STK38: variants seen among roughly 807,000 people sequenced by gnomAD.
The protein encoded by STK38 is serine/threonine-protein kinase 38.
STK38 carries 26 observed loss-of-function variants against 59.0 expected under a neutral mutation model. The ratio of observed to expected loss-of-function variants is 0.44; its 90% CI spans 0.32 to 0.61. STK38 has a LOEUF of 0.61. STK38 is among the 20% of genes least tolerant of loss of function. The pLI is 0.04. For synonymous variants in STK38, 175 were observed against 176.6 expected (o/e 0.99, Z 0.07); for missense variants, 433 against 566.0 (o/e 0.76, Z 2.38).
At chr6:36,501,145 G>A (rs1188315753) in intron 9 of STK38, among the ~76,000 whole-genome samples, 1 of 151,928 alleles carries the variant, frequency 6.6e-6, no homozygotes, top group Non-Finnish European at 1.5e-5. Flanking sequence ...GTAGAGATGG[G>A]GTTTTGCCAT....
chr6:36,540,776 G>A (rs183375656), intron 1 of STK38, among the ~76,000 whole-genome samples: 14 of 151,978 alleles, frequency 9.2e-5, no homozygotes, highest in Non-Finnish European at 1.9e-4. Flanking sequence ...ACAGGCATGC[G>A]CCACCACACC....
intron 7 of STK38, among the ~76,000 whole-genome samples, chr6:36,511,398 C>G (rs1176643021): frequency 1.3e-5 from 2 of 151,602 alleles, no homozygotes; most frequent in Non-Finnish European, 2.9e-5. Context: ...GCTCTGTTAC[C>G]CAGGCTGAAG....
intron 13 of STK38, 119 bp downstream of exon 13, chr6:36,496,583 ACTTACAAAG>A: frequency 2.7e-6 from 2 of 727,600 alleles, no homozygotes; most frequent in Non-Finnish European, 4.8e-6. Flanking sequence ...TTAGAAAAGT[ACTTACAAAG>A]AACCTGAAGA....
chr6:36,516,464 C>T (rs779631537), intron 6 of STK38, among the ~76,000 whole-genome samples: 1 of 152,166 alleles, frequency 6.6e-6, no homozygotes, highest in Non-Finnish European at 1.5e-5. Flanking sequence ...GAGCATCATG[C>T]TGCTTTTTCA....
intron 9 of STK38, 34 bp from the exon 10 acceptor site, chr6:36,500,024 C>T: frequency 6.5e-7 from 1 of 1,546,494 alleles, no homozygotes; most frequent in Admixed American, 1.7e-5. Context: ...CGAGGCCCAG[C>T]CAGGCAGGAG....
At chr6:36,517,609 G>T (rs1459696592) in intron 6 of STK38, 108 bp downstream of exon 6, 25 of 1,449,768 alleles carry the variant, frequency 1.7e-5, no homozygotes, top group Non-Finnish European at 2.3e-5. Flanking sequence ...GATATAGAAA[G>T]CAACTTTGTG....
intron 1 of STK38, among the ~76,000 whole-genome samples, chr6:36,544,542 T>C (rs180723003): frequency 9.3e-4 from 141 of 152,264 alleles, no homozygotes; most frequent in African/African-American, 2.6e-3. Context: ...CCTGAAGAAA[T>C]TGCATATATG....
In STK38 at chr6:36,511,423, C is replaced by T. The variant is rs532242716; in HGVS notation, c.670-3821G>A. Among the ~76,000 whole-genome samples, 626 of 151,908 alleles carry T rather than the reference C, an allele frequency of 4.1e-3. 3 individuals are homozygous for T. The highest frequency in any genetic ancestry group is 0.031 in the Middle Eastern group (9 of 294). On this transcript the variant is annotated intron_variant, in intron 7 of 13. Transcript: ENST00000229812. Reference sequence around the variant, plus strand: ...CCAGGCTGAAGTGCAGTGGCGCCATCTTGGCTCACTGCAACCTCTGCCTCC... The same window carrying T: ...CCAGGCTGAAGTGCAGTGGCGCCATTTTGGCTCACTGCAACCTCTGCCTCC...
chr6:36,515,557 A>AC, intron 6 of STK38, 65 bp from the exon 7 acceptor site: 7 of 1,433,218 alleles, frequency 4.9e-6, no homozygotes, highest in South Asian at 2.7e-5. Context: ...CACACACACA[A>AC]CATACGAGTG....
At chr6:36,538,891 CAAAA>C (rs1214217676) in intron 2 of STK38, among the ~76,000 whole-genome samples, 2 of 54,136 alleles carry the variant, frequency 3.7e-5, no homozygotes, top group Admixed American at 2.4e-4. Flanking sequence ...GACTCTGTCT[CAAAA>C]AAAAAAAAAA....
intron 7 of STK38, among the ~76,000 whole-genome samples, chr6:36,508,740 C>T (rs1031479976): frequency 7.2e-5 from 11 of 152,234 alleles, no homozygotes; most frequent in Admixed American, 6.5e-4. Context: ...CACAGAGTGG[C>T]AAGGCGTGTG....
At chr6:36,527,206 A>T (rs1561986838) in intron 2 of STK38, among the ~76,000 whole-genome samples, 3 of 126,048 alleles carry the variant, frequency 2.4e-5, no homozygotes, top group Admixed American at 8.6e-5. Flanking sequence ...AAAAAAAAAA[A>T]AATATATGTA....
chr6:36,520,248 A>C (rs1777348025), intron 5 of STK38, among the ~76,000 whole-genome samples: 1 of 152,250 alleles, frequency 6.6e-6, no homozygotes, highest in African/African-American at 2.4e-5. Flanking sequence ...TTAATGCATC[A>C]TTTAAAATGT....
At chr6:36,495,964 G>C (rs763664645) in intron 13 of STK38, 50 bp from the exon 14 acceptor site, 1 of 1,609,054 alleles carries the variant, frequency 6.2e-7, no homozygotes, top group Non-Finnish European at 8.5e-7. Context: ...GCCTCCAATG[G>C]ACTGCTCACG....
At chr6:36,540,863 C>T (rs13201272) in intron 1 of STK38, among the ~76,000 whole-genome samples, 2,597 of 151,762 alleles carry the variant, frequency 0.017, 39 homozygotes, top group Non-Finnish European at 0.026. Context: ...TGTGAGCCAC[C>T]GCGCCTGGCC....
chr6:36,510,103 G>A (rs1003895980), intron 7 of STK38, among the ~76,000 whole-genome samples: 2 of 152,170 alleles, frequency 1.3e-5, no homozygotes, highest in Non-Finnish European at 2.9e-5. Flanking sequence ...GTGGGGCTTC[G>A]CCAGGGACCC....
chr6:36,515,521 CACA>C, intron 6 of STK38, 29 bp from the exon 7 acceptor site: 2 of 719,780 alleles, frequency 2.8e-6, no homozygotes, highest in African/African-American at 6.5e-5. Context: ...AAAGCCACCA[CACA>C]CACACACACA....
intron 2 of STK38, among the ~76,000 whole-genome samples, chr6:36,534,254 A>G (rs904646486): frequency 6.6e-6 from 1 of 152,240 alleles, no homozygotes; most frequent in Admixed American, 6.5e-5. Context: ...AAAATTCAAC[A>G]CCCACAAAAA....
At chr6:36,503,751 G>C (rs1776895827) in intron 9 of STK38, among the ~76,000 whole-genome samples, 1 of 152,110 alleles carries the variant, frequency 6.6e-6, no homozygotes, top group Non-Finnish European at 1.5e-5. Flanking sequence ...CTCTTAACGA[G>C]TTATAAAATA....
Sources: gnomAD v4.1 joint callset for allele counts (sites outside exome capture counted in the v4.1 genomes callset) on GRCh38, gnomAD v4.1.1 for gene constraint, MANE v1.5 for transcripts, NCBI Gene and HGNC (gene_info 2026-07-23, HGNC 2026-07-21) for gene names.